The following TOX2 variants were observed in gnomAD, a reference collection of about 807,000 sequenced individuals.
TOX2 encodes TOX high mobility group box family member 2, also known as granulosa cell HMG box 1.
TOX2 carries 15 observed loss-of-function variants against 47.4 expected under a neutral mutation model. That is an observed-to-expected ratio of 0.32 (90% confidence interval 0.21 to 0.49). TOX2 has a LOEUF of 0.49. TOX2 is among the 20% of genes least tolerant of loss of function. The pLI, the probability that TOX2 is intolerant of heterozygous loss-of-function variation, is 0.99. For synonymous variants in TOX2, 290 were observed against 296.6 expected, an observed-to-expected ratio of 0.98 and a Z score of 0.23; for missense variants, 622 against 673.1, an observed-to-expected ratio of 0.92 and a Z score of 0.84.
At chr20:43,984,183 A>G (rs778699474) in intron 2 of TOX2, among the ~76,000 whole-genome samples, 4 of 152,238 alleles carry the variant, frequency 2.6e-5, no homozygotes, top group African/African-American at 4.8e-5. Flanking sequence ...TTTCCTATTA[A>G]AGCCACAAAC....
intron 2 of TOX2, among the ~76,000 whole-genome samples, chr20:43,973,798 C>G (rs1372216216): frequency 2.0e-5 from 3 of 152,204 alleles, no homozygotes; most frequent in Non-Finnish European, 2.9e-5. Context: ...GGGACATGTT[C>G]TGGTTTGGAT....
At chr20:44,057,079 A>G (rs1600795371) in intron 5 of TOX2, among the ~76,000 whole-genome samples, 1 of 152,114 alleles carries the variant, frequency 6.6e-6, no homozygotes, top group African/African-American at 2.4e-5. Context: ...ATGCCCCACA[A>G]AATTTTTTCT....
At chr20:43,929,004 A>G (rs2069217243) in intron 1 of TOX2, among the ~76,000 whole-genome samples, 1 of 149,632 alleles carries the variant, frequency 6.7e-6, no homozygotes, top group African/African-American at 2.5e-5. Context: ...AAAAAACAAC[A>G]ACAAAAAAAC....
At chr20:44,056,898 A>AT (rs2071629083) in intron 5 of TOX2, among the ~76,000 whole-genome samples, 1 of 152,122 alleles carries the variant, frequency 6.6e-6, no homozygotes, top group Non-Finnish European at 1.5e-5. Flanking sequence ...ACAAATGATA[A>AT]TTTTGTCTCC....
intron 3 of TOX2, among the ~76,000 whole-genome samples, chr20:44,050,474 A>G (rs76215810): frequency 0.019 from 2,952 of 152,318 alleles, 96 homozygotes; most frequent in African/African-American, 0.067. Flanking sequence ...ATGCAGAGGA[A>G]ATAAAAATCG....
At chr20:43,944,104 C>T (rs1161551677) in intron 1 of TOX2, among the ~76,000 whole-genome samples, 3 of 152,134 alleles carry the variant, frequency 2.0e-5, no homozygotes. Flanking sequence ...GTGCAAAATG[C>T]ACCTCTCTTT....
chr20:44,059,112 TTAAAA>T (rs2071673056), intron 5 of TOX2, among the ~76,000 whole-genome samples: 1 of 152,090 alleles, frequency 6.6e-6, no homozygotes, highest in African/African-American at 2.4e-5. Flanking sequence ...GAAGTCCAAC[TTAAAA>T]TAAAAAGAAT....
intron 2 of TOX2, among the ~76,000 whole-genome samples, chr20:43,980,662 T>G (rs1304594485): frequency 6.6e-6 from 1 of 152,066 alleles, no homozygotes; most frequent in Non-Finnish European, 1.5e-5. Context: ...AAATAAAAAA[T>G]GATTTGATAA....
Position 43,955,572 on chromosome 20 carries a change from G to C in TOX2, c.100-17795G>C, listed in dbSNP as rs2069653589. 2.6e-5 allele frequency among the ~76,000 whole-genome samples: 4 copies of C among 152,238 alleles called. No homozygotes were observed. In the South Asian group the frequency reaches 8.3e-4, roughly 32 times the overall value. On this transcript the variant is annotated intron_variant, in intron 1 of 8. Coordinates refer to ENST00000341197, the MANE Select transcript of TOX2 (RefSeq NM_001098797.2). ...GAAGGAAGTGTGTGACCAAGGAGAGGAAATTAGGGTTTGCAAATTGCATGA... is the reference window on the plus strand; with the variant it reads ...GAAGGAAGTGTGTGACCAAGGAGAGCAAATTAGGGTTTGCAAATTGCATGA...
At chr20:44,026,250 G>GATATATATATATATAT (rs1358438826) in intron 3 of TOX2, among the ~76,000 whole-genome samples, 1 of 82,956 alleles carries the variant, frequency 1.2e-5, no homozygotes, top group African/African-American at 5.4e-5. Context: ...TATATATATA[G>GATATATATATATATAT]ACACACACAC....
chr20:44,052,497 C>A (rs1400506002), intron 4 of TOX2, among the ~76,000 whole-genome samples: 1 of 152,172 alleles, frequency 6.6e-6, no homozygotes, highest in African/African-American at 2.4e-5. Flanking sequence ...AGGGCAGTAA[C>A]CCTGGACTTT....
At chr20:43,932,678 T>A (rs1038917632) in intron 1 of TOX2, among the ~76,000 whole-genome samples, 1 of 152,054 alleles carries the variant, frequency 6.6e-6, no homozygotes, top group African/African-American at 2.4e-5. Flanking sequence ...GCAAAGGTCA[T>A]GGACATCCCC....
Position 44,024,564 on chromosome 20 carries a change from T to C in TOX2, c.411+17772T>C, listed in dbSNP as rs370162764. 4.6e-5 allele frequency among the ~76,000 whole-genome samples: 7 copies of C among 152,150 alleles called. No individual in the cohort carries two copies. The East Asian group carries it at 1.2e-3, about 25-fold the overall frequency. On this transcript the variant is annotated intron_variant, in intron 3 of 8. Coordinates refer to ENST00000341197, the MANE Select transcript of TOX2 (RefSeq NM_001098797.2). The stretch of plus-strand genomic sequence containing the variant: ...TTGGCTGCATCTATAAATTTTGAAA[T>C]GAAGTCTTCTTACATCTTTTACTTT...
intron 1 of TOX2, among the ~76,000 whole-genome samples, chr20:43,961,220 A>C (rs548628418): frequency 2.6e-5 from 4 of 152,298 alleles, no homozygotes; most frequent in Admixed American, 2.6e-4. Flanking sequence ...AACGGTGTGG[A>C]AGAGAGAAAG....
At chr20:43,966,706 A>G (rs1230623169) in intron 1 of TOX2, among the ~76,000 whole-genome samples, 1 of 150,806 alleles carries the variant, frequency 6.6e-6, no homozygotes, top group Non-Finnish European at 1.5e-5. Context: ...GTGAACTGAG[A>G]TCATGCCATT....
intron 5 of TOX2, among the ~76,000 whole-genome samples, chr20:44,062,176 C>T (rs1234857421): frequency 6.6e-6 from 1 of 151,996 alleles, no homozygotes; most frequent in African/African-American, 2.4e-5. Context: ...GTCAAACTGT[C>T]ACTGTTTGCT....
At chr20:44,064,980 A>T (rs2071786318) in intron 6 of TOX2, 123 bp downstream of exon 6, 2 of 837,796 alleles carry the variant, frequency 2.4e-6, no homozygotes, top group Non-Finnish European at 3.8e-6. Flanking sequence ...GCTCAGACCT[A>T]CATGGTCATG....
At chr20:44,066,956 G>A in intron 8 of TOX2, 99 bp downstream of exon 8, 1 of 1,503,740 alleles carries the variant, frequency 6.7e-7, no homozygotes, top group Non-Finnish European at 8.9e-7. Flanking sequence ...CGTGGACAGG[G>A]GAGGACCCTG....
intron 3 of TOX2, among the ~76,000 whole-genome samples, chr20:44,040,759 T>G (rs1002792405): frequency 1.3e-5 from 2 of 152,062 alleles, no homozygotes; most frequent in Non-Finnish European, 2.9e-5. Context: ...TGGGTAGTAA[T>G]GAGGACAGAT....
Sources: gnomAD v4.1 joint callset for allele counts (sites outside exome capture counted in the v4.1 genomes callset) on GRCh38, gnomAD v4.1.1 for gene constraint, MANE v1.5 for transcripts, NCBI Gene and HGNC (gene_info 2026-07-23, HGNC 2026-07-21) for gene names.